The following BCL6 variants were observed in gnomAD, a reference collection of about 807,000 sequenced individuals.
The protein encoded by BCL6 is BCL6 transcription repressor.
BCL6 carries 7 observed loss-of-function variants against 59.5 expected under a neutral mutation model. The observed-to-expected ratio is 0.12, with a 90% CI of 0.07 to 0.22. The LOEUF (loss-of-function observed/expected upper bound fraction) is 0.22, where lower values mean the gene tolerates loss of function less well. Among genes scored for constraint, BCL6 ranks in the 10% least tolerant of loss-of-function variants. BCL6 has a pLI of 1.00. For missense variants in BCL6, 685 were observed against 939.4 expected, an observed-to-expected ratio of 0.73 and a Z score of 3.54; for synonymous variants, 339 against 349.7, an observed-to-expected ratio of 0.97 and a Z score of 0.34.
In BCL6 at chr3:187,728,428, T is replaced by C. The variant is rs748627517; in HGVS notation, c.1472A>G (p.His491Arg). ...QSPQHAEMCL[H>R]TAGPTFPEEM... ...CTCAGGGAACGTGGGGCCAGCGGTG[T>C]GGAGGCACATCTCTGCATGCTGTGG... The change falls in exon 6 of 10, where the codon CAC becomes CGC. Residue 491 changes from histidine to arginine, a missense_variant. Coordinates refer to ENST00000406870, the MANE Select transcript of BCL6 (RefSeq NM_001706.5). The C allele has an allele frequency of 6.2e-7, 1 of 1,612,434 alleles. No homozygotes were observed. The highest frequency in any genetic ancestry group is 1.7e-5 in the Admixed American group (1 of 59,806).
intron 9 of BCL6, 120 bp from the exon 10 acceptor site, chr3:187,722,721 A>T (rs1315754991): frequency 7.7e-7 from 1 of 1,292,894 alleles, no homozygotes; most frequent in Non-Finnish European, 1.1e-6. Flanking sequence ...TGCCTCTCCA[A>T]GGCCAGGTGA....
Position 187,723,525 on chromosome 3 carries a change from C to T in BCL6, c.1978-924G>A, listed in dbSNP as rs191294963. ...TGTTAACAATAGGATAAAATGGGTGCGGGTAGGAGCCCTCAGTACAATCTT... is the reference window on the plus strand; with the variant it reads ...TGTTAACAATAGGATAAAATGGGTGTGGGTAGGAGCCCTCAGTACAATCTT... On this transcript the variant is annotated intron_variant, in intron 9 of 9. Transcript: ENST00000406870. Among the ~76,000 whole-genome samples, 699 of 152,150 alleles carry T rather than the reference C, an allele frequency of 4.6e-3. 5 individuals are homozygous for T. The highest frequency in any genetic ancestry group is 0.016 in the African/African-American group (667 of 41,494).
Position 187,722,559 on chromosome 3 carries a change from G to A in BCL6, c.2020C>T (p.Arg674Ter), listed in dbSNP as rs1202633041. The A allele has an allele frequency of 6.2e-7, 1 of 1,613,872 alleles. No individual in the cohort carries two copies. ...NLHFRHKSQL[R>*]LHLRQKHGAI... ...CCATGCTTCTGGCGCAAGTGAAGTCGCAGCTGGCTTTTGTGACGGAAATGC... is the reference window on the plus strand; with the variant it reads ...CCATGCTTCTGGCGCAAGTGAAGTCACAGCTGGCTTTTGTGACGGAAATGC... Residue 674 changes from arginine (R) to a stop codon, truncating the protein, a stop_gained, in exon 10 of 10, where the codon CGA (arginine) becomes TGA (stop). Transcript: ENST00000406870. LOFTEE classifies it high-confidence loss of function.
At chr3:187,743,908 T>A (rs1711731825) in intron 1 of BCL6, among the ~76,000 whole-genome samples, 1 of 151,982 alleles carries the variant, frequency 6.6e-6, no homozygotes, top group East Asian at 1.9e-4. Context: ...CTCACAAAGA[T>A]CTCCCTTTCG....
intron 1 of BCL6, chr3:187,737,926 G>GC (rs1180907039): frequency 6.6e-6 from 1 of 151,948 alleles, no homozygotes; most frequent in Admixed American, 6.5e-5. Flanking sequence ...GAAGCTGCCG[G>GC]CCCCGGCAGC....
rs1718423947 is a variant in BCL6, at chr3:187,721,708, GTTC to G, written c.*747_*749del. On this transcript the variant is annotated 3_prime_UTR_variant, in exon 10 of 10. Coordinates refer to ENST00000406870, the MANE Select transcript of BCL6 (RefSeq NM_001706.5). This position sits in a 1 kb window ranked among gnomAD's most constrained non-coding sequence, Gnocchi z 4.2. ...CATTTTTCCTTCTGCAGATTTTTTT[GTTC>G]TTTTTGTTTTTTTTAATACACACTT... 2 of 231,550 alleles carry G rather than the reference GTTC, an allele frequency of 8.6e-6. No individual in the cohort carries two copies. The highest frequency in any genetic ancestry group is 1.7e-5 in the Non-Finnish European group (2 of 116,962). 14.3% of individuals were successfully genotyped at this position (231,550 alleles called of 1,614,324 possible).
chr3:187,736,652 G>C (rs150890619), intron 1 of BCL6: 2 of 152,186 alleles, frequency 1.3e-5, no homozygotes, highest in African/African-American at 2.4e-5. Flanking sequence ...GCTTTTCACC[G>C]TAAGCCTCTG....
intron 1 of BCL6, 109 bp downstream of exon 1, chr3:187,745,300 TA>T: frequency 5.0e-6 from 2 of 398,316 alleles, no homozygotes. Flanking sequence ...AAAAAAGAAT[TA>T]AAAGGTAAAA....
At chr3:187,743,393 C>T (rs933904668) in intron 1 of BCL6, among the ~76,000 whole-genome samples, 1 of 151,892 alleles carries the variant, frequency 6.6e-6, no homozygotes, top group South Asian at 2.1e-4. Context: ...TGGTCAGGGG[C>T]CCTGTGACAG....
chr3:187,739,001 A>G (rs558036833), intron 1 of BCL6, among the ~76,000 whole-genome samples: 43 of 152,298 alleles, frequency 2.8e-4, no homozygotes, highest in Non-Finnish European at 3.5e-4. Flanking sequence ...AACGCTAGAG[A>G]GAGCCCTCCA....
intron 1 of BCL6, chr3:187,737,540 C>T (rs1719348429): frequency 6.6e-6 from 1 of 152,646 alleles, no homozygotes. Context: ...AACACCAGCC[C>T]TGCGCGCCGG....
Position 187,729,985 on chromosome 3 carries a change from A to G in BCL6, c.420T>C (p.Arg140=). ...AEMVSAIKPP[R]EEFLNSRMLM... ...GCATCCGGCTGTTGAGGAACTCTTC[A>G]CGAGGAGGCTTGATGGCAGAAACCA... Residue 140 remains arginine (R), a synonymous_variant, in exon 5 of 10, where the codon CGT becomes CGC. Transcript: ENST00000406870. The surrounding 1 kb of genome is among the most constrained non-coding windows in gnomAD (Gnocchi z 5.6). The G allele has an allele frequency of 1.3e-6, 2 of 1,589,782 alleles. No individual in the cohort carries two copies. Among genetic ancestry groups the G allele is most frequent in the South Asian group, 2.3e-5 (2 of 87,884 alleles).
chr3:187,731,960 T>A (rs987469081), intron 3 of BCL6, 30 bp from the exon 4 acceptor site: 21 of 1,571,158 alleles, frequency 1.3e-5, no homozygotes, highest in Non-Finnish European at 1.8e-5. Context: ...CCCACTATAG[T>A]AGACATATCG....
chr3:187,722,382 C>T lies in BCL6; in HGVS notation c.*76G>A, dbSNP rs1718464694. 2.5e-6 allele frequency: 3 copies of T among 1,185,796 alleles called. No homozygotes were observed. Among genetic ancestry groups the T allele is most frequent in the Non-Finnish European group, 3.2e-6 (3 of 928,590 alleles). The allele number at this position is 1,185,796 out of a possible 1,614,324, so 73.5% of individuals were successfully genotyped here. On this transcript the variant is annotated 3_prime_UTR_variant, in exon 10 of 10. Coordinates refer to ENST00000406870, the MANE Select transcript of BCL6 (RefSeq NM_001706.5). Reference sequence around the variant, plus strand: ...AAGAGGCACTACATCATGGGATGAACATTGTAAAGTGTTACAGTATCCTTT... The same window carrying T: ...AAGAGGCACTACATCATGGGATGAATATTGTAAAGTGTTACAGTATCCTTT...
chr3:187,744,548 A>C (rs1576885115), intron 1 of BCL6, among the ~76,000 whole-genome samples: 2 of 152,316 alleles, frequency 1.3e-5, no homozygotes, highest in African/African-American at 2.4e-5. Flanking sequence ...AGTAGACACG[A>C]TACTTCATCT....
In BCL6 at chr3:187,744,829, C is replaced by G. The variant is rs114991887; in HGVS notation, c.-50+581G>C. Among the ~76,000 whole-genome samples the G allele has an allele frequency of 2.6e-5, 4 of 152,132 alleles. No individual in the cohort carries two copies. In the South Asian group the frequency reaches 6.2e-4, roughly 24 times the overall value. ...GCGACGGAGCAAGGAAAGCAGTTTGCAAGCGAGAAAAGAGGGAAAAAACAC... is the reference window on the plus strand; with the variant it reads ...GCGACGGAGCAAGGAAAGCAGTTTGGAAGCGAGAAAAGAGGGAAAAAACAC... On this transcript the variant is annotated intron_variant, in intron 1 of 9. Transcript: ENST00000406870.
rs1235812657 is a variant in BCL6, at chr3:187,729,182, T to C, written c.1223A>G (p.Tyr408Cys). Residue 408 changes from tyrosine (Y) to cysteine (C), a missense_variant, in exon 5 of 10, where the codon TAC (tyrosine) becomes TGC (cysteine). Transcript: ENST00000406870. The surrounding 1 kb of genome is among the most constrained non-coding windows in gnomAD (Gnocchi z 5.6). ...AELGRLSPRA[Y>C]TAPPACQPPM... ...TGGCTGGCAGGCAGGTGGGGCCGTG[T>C]AGGCTCGTGGGGAAAGGCGGCCCAG... is the stretch of plus-strand genomic sequence containing the variant. 1 of 1,613,616 alleles carries C rather than the reference T, an allele frequency of 6.2e-7. No homozygotes were observed. Among genetic ancestry groups the C allele is most frequent in the Non-Finnish European group, 8.5e-7 (1 of 1,179,652 alleles).
chr3:187,744,584 A>G (rs1711795257), intron 1 of BCL6, among the ~76,000 whole-genome samples: 1 of 152,240 alleles, frequency 6.6e-6, no homozygotes, highest in Non-Finnish European at 1.5e-5. Flanking sequence ...CCAAAAAAAC[A>G]AAAACAAAAA....
chr3:187,744,181 G>A (rs1711755981), intron 1 of BCL6, among the ~76,000 whole-genome samples: 1 of 152,308 alleles, frequency 6.6e-6, no homozygotes, highest in African/African-American at 2.4e-5. Flanking sequence ...AGCCAACACA[G>A]AGTCACGCAG....
Sources: allele counts gnomAD v4.1 joint callset (sites outside exome capture counted in the v4.1 genomes callset), GRCh38; gene constraint gnomAD v4.1.1; non-coding constraint Gnocchi (gnomAD v3.1); transcripts MANE v1.5; gene names NCBI Gene and HGNC (gene_info 2026-07-23, HGNC 2026-07-21).